ITGAV: variants seen among roughly 807,000 people sequenced by gnomAD.
ITGAV encodes the protein integrin alpha-V.
In ITGAV, 76 loss-of-function variants were observed where a neutral mutation model predicts 143.8. That is an observed-to-expected ratio of 0.53 (90% CI 0.44 to 0.64). The LOEUF is 0.64. ITGAV is among the 30% of genes least tolerant of loss of function. The pLI is 0.00. For synonymous variants in ITGAV, 453 were observed against 446.7 expected (o/e 1.01, Z -0.18); for missense variants, 1,193 against 1,274.7 (o/e 0.94, Z 0.98).
At chr2:186,632,122 A>G (rs960802858) in intron 5 of ITGAV, among the ~76,000 whole-genome samples, 13 of 152,218 alleles carry the variant, frequency 8.5e-5, no homozygotes, top group African/African-American at 3.1e-4. Flanking sequence ...TCTTCTTACT[A>G]GGTAACTTGT....
Position 186,675,661 on chromosome 2 carries a change from G to C in ITGAV, c.2764G>C (p.Gly922Arg). 1 of 1,614,082 alleles carries C rather than the reference G, an allele frequency of 6.2e-7. No homozygotes were observed. The highest frequency in any genetic ancestry group is 8.5e-7 in the Non-Finnish European group (1 of 1,179,962). Reference protein sequence around the residue: ...IVCQVGRLDRGKSAILYVKSL... With the variant: ...IVCQVGRLDRRKSAILYVKSL... ...CTGCCAAGTTGGGAGATTAGACAGA[G>C]GAAAGAGTGCAATCTTGTACGTAAA... Residue 922 changes from glycine to arginine, a missense_variant, in exon 27 of 30, where the codon GGA becomes CGA. Transcript: ENST00000261023.
chr2:186,599,122 C>T (rs1390049093), intron 1 of ITGAV, among the ~76,000 whole-genome samples: 1 of 152,120 alleles, frequency 6.6e-6, no homozygotes. Context: ...TTTCCTTTGC[C>T]AGAATAATTT....
At position 186,590,287 on chromosome 2, in the gene ITGAV, C is replaced by A; in HGVS notation, c.-52C>A. The A allele has an allele frequency of 1.4e-6, 2 of 1,410,122 alleles. No individual in the cohort carries two copies. Among genetic ancestry groups the A allele is most frequent in the East Asian group, 3.0e-5 (1 of 33,510 alleles). The allele number at this position is 1,410,122 out of a possible 1,614,324, so 87.4% of individuals were successfully genotyped here. On this transcript the variant is annotated 5_prime_UTR_variant, in exon 1 of 30. Coordinates refer to ENST00000261023, the MANE Select transcript of ITGAV (RefSeq NM_002210.5). ...GCGGGCACTGGGCGCCTCGCTGGGG[C>A]GGGGGGAGGTGGCTACCGCTCCCGG... is the stretch of plus-strand genomic sequence containing the variant.
chr2:186,649,027 CATTTGTGTGTATATATATACA>C (rs1688350011), intron 13 of ITGAV, among the ~76,000 whole-genome samples: 2 of 110,990 alleles, frequency 1.8e-5, no homozygotes, highest in Non-Finnish European at 3.9e-5. Flanking sequence ...TATATATACA[CATTTGTGTGTATATATATACA>C]CACATTTACT....
chr2:186,671,769 G>A (rs1340073317), intron 26 of ITGAV, among the ~76,000 whole-genome samples: 1 of 152,018 alleles, frequency 6.6e-6, no homozygotes. Context: ...CCATTAAGCA[G>A]TTTATCCATT....
intron 2 of ITGAV, among the ~76,000 whole-genome samples, chr2:186,606,516 G>C (rs1022899966): frequency 6.6e-6 from 1 of 152,112 alleles, no homozygotes; most frequent in African/African-American, 2.4e-5. Context: ...AACATGAGCT[G>C]TTTCATGTCG....
chr2:186,646,598 T>G, intron 12 of ITGAV, 88 bp from the exon 13 acceptor site: 1 of 914,848 alleles, frequency 1.1e-6, no homozygotes, highest in Non-Finnish European at 1.7e-6. Context: ...TCTTCCCCCC[T>G]TCTCTCGTTC....
intron 18 of ITGAV, among the ~76,000 whole-genome samples, chr2:186,663,329 A>G (rs372254604): frequency 1.5e-4 from 23 of 152,080 alleles, no homozygotes; most frequent in Middle Eastern, 3.4e-3. Context: ...CTGCAGCCCT[A>G]TTTCCTGATA....
At chr2:186,657,322 TAAC>T (rs1414978087) in intron 17 of ITGAV, among the ~76,000 whole-genome samples, 1 of 152,148 alleles carries the variant, frequency 6.6e-6, no homozygotes. Flanking sequence ...AACCTACACC[TAAC>T]AACTAAAGAA....
At chr2:186,641,057 G>A (rs747252899) in intron 11 of ITGAV, 90 bp downstream of exon 11, 17 of 1,004,254 alleles carry the variant, frequency 1.7e-5, no homozygotes, top group East Asian at 7.9e-5. Flanking sequence ...TTCTGTTTTT[G>A]TATTCCTTTT....
intron 4 of ITGAV, 96 bp from the exon 5 acceptor site, chr2:186,630,701 A>C: frequency 1.4e-6 from 1 of 697,334 alleles, no homozygotes; most frequent in Non-Finnish European, 2.6e-6. Context: ...AAATTGGTAC[A>C]TTATCTTATG....
chr2:186,643,038 G>A (rs1688152608), intron 12 of ITGAV, among the ~76,000 whole-genome samples: 1 of 152,144 alleles, frequency 6.6e-6, no homozygotes, highest in South Asian at 2.1e-4. Context: ...GAAATACAGG[G>A]CTAAGTTTGA....
intron 6 of ITGAV, 97 bp from the exon 7 acceptor site, chr2:186,635,985 T>C (rs964962710): frequency 1.0e-6 from 1 of 953,882 alleles, no homozygotes; most frequent in East Asian, 2.5e-5. Context: ...AGTACTAATA[T>C]CTAATATTGT....
In ITGAV at chr2:186,637,090, C is replaced by T. The variant is rs113154595; in HGVS notation, c.783C>T (p.Phe261=). The change falls in exon 8 of 30, where the codon TTC becomes TTT. Residue 261 remains phenylalanine (F), a synonymous_variant. Coordinates refer to ENST00000261023, the MANE Select transcript of ITGAV (RefSeq NM_002210.5). The part of the protein sequence containing the change: ...YLGYSVAVGD[F]NGDGIDDFVS... ...GTTATTCTGTGGCTGTCGGAGATTTCAATGGTGATGGCATAGATGGTATGA... is the reference window on the plus strand; with the variant it reads ...GTTATTCTGTGGCTGTCGGAGATTTTAATGGTGATGGCATAGATGGTATGA... 8 of 1,613,094 alleles carry T rather than the reference C, an allele frequency of 5.0e-6. No homozygotes were observed. The African/African-American group carries it at 6.7e-5, about 13-fold the overall frequency.
At chr2:186,658,036 G>A (rs1298911518) in intron 17 of ITGAV, among the ~76,000 whole-genome samples, 1 of 152,040 alleles carries the variant, frequency 6.6e-6, no homozygotes, top group Non-Finnish European at 1.5e-5. Flanking sequence ...AGTACCAGAA[G>A]GGAGAATTTC....
intron 2 of ITGAV, among the ~76,000 whole-genome samples, chr2:186,614,977 A>G (rs900542508): frequency 2.6e-5 from 4 of 152,000 alleles, no homozygotes; most frequent in Non-Finnish European, 5.9e-5. Flanking sequence ...ATCTCCATTT[A>G]CCCTAAAAAG....
chr2:186,641,650 G>GT (rs1298060616), intron 12 of ITGAV, 62 bp downstream of exon 12: 15 of 1,394,228 alleles, frequency 1.1e-5, no homozygotes, highest in Non-Finnish European at 1.3e-5. Flanking sequence ...GAAAAGTTCT[G>GT]TAAGTCCATC....
chr2:186,594,493 C>G (rs1474174100), intron 1 of ITGAV, among the ~76,000 whole-genome samples: 1 of 152,140 alleles, frequency 6.6e-6, no homozygotes, highest in Non-Finnish European at 1.5e-5. Context: ...GTAGTTATGA[C>G]AAGCATAGTC....
chr2:186,610,413 A>G (rs1687184298), intron 2 of ITGAV, among the ~76,000 whole-genome samples: 1 of 152,086 alleles, frequency 6.6e-6, no homozygotes, highest in Non-Finnish European at 1.5e-5. Flanking sequence ...TGTCATCTTT[A>G]TTTTTCTTTT....
Sources: gnomAD v4.1 joint callset for allele counts (sites outside exome capture counted in the v4.1 genomes callset) on GRCh38, gnomAD v4.1.1 for gene constraint, MANE v1.5 for transcripts, NCBI Gene and HGNC (gene_info 2026-07-23, HGNC 2026-07-21) for gene names.